Variants in LTBP1 observed in about 807,000 individuals in gnomAD.
LTBP1 encodes the protein latent-transforming growth factor beta-binding protein 1.
LTBP1 carries 129 observed loss-of-function variants against 207.6 expected under a neutral mutation model. The observed-to-expected ratio is 0.62, with a 90% CI of 0.54 to 0.72. The LOEUF (loss-of-function observed/expected upper bound fraction) is 0.72. LTBP1 is among the 30% of genes least tolerant of loss of function. The pLI is 0.00. For missense variants in LTBP1, 2,281 were observed against 2,217.2 expected, an observed-to-expected ratio of 1.03 and a Z score of -0.58; for synonymous variants, 963 against 833.7, an observed-to-expected ratio of 1.16 and a Z score of -2.67.
chr2:33,271,387 G>A (rs983511392), intron 15 of LTBP1, among the ~76,000 whole-genome samples: 15 of 151,782 alleles, frequency 9.9e-5, no homozygotes, highest in Non-Finnish European at 2.2e-4. Context: ...TAACCACCCG[G>A]GAAAAAACCC....
intron 32 of LTBP1, among the ~76,000 whole-genome samples, chr2:33,392,790 G>A (rs1365766671): frequency 6.6e-6 from 1 of 151,946 alleles, no homozygotes; most frequent in African/African-American, 2.4e-5. Context: ...AAATCATTTT[G>A]CTGTGATACA....
chr2:33,197,607 C>T (rs1301575657), intron 7 of LTBP1, among the ~76,000 whole-genome samples: 1 of 152,166 alleles, frequency 6.6e-6, no homozygotes, highest in East Asian at 1.9e-4. Context: ...ATCTCTTTAA[C>T]AGTGACCTAA....
rs573677325 is a variant in LTBP1 at position 32,999,771 on chromosome 2, C to T, written c.566-21138C>T. Among the ~76,000 whole-genome samples, 3 of 133,004 alleles carry T rather than the reference C, an allele frequency of 2.3e-5. 1 individual carries two copies. In the South Asian group the frequency reaches 8.1e-4, roughly 36 times the overall value. The allele number at this position is 133,004 out of a possible 152,430, so 87.3% of individuals were successfully genotyped here. A position where few individuals can be genotyped will look rare whatever the true frequency, so the allele number is the denominator to read the frequency against. On this transcript the variant is annotated intron_variant, in intron 2 of 33. Transcript: ENST00000404816. Reference sequence around the variant, plus strand: ...TGGGCATGGTGGCGCCAAGATCACACCACTGCACTCTAGCCTGGGCGACAG... The same window carrying T: ...TGGGCATGGTGGCGCCAAGATCACATCACTGCACTCTAGCCTGGGCGACAG...
At chr2:33,260,863 T>C (rs111654631) in intron 13 of LTBP1, among the ~76,000 whole-genome samples, 2,076 of 152,334 alleles carry the variant, frequency 0.014, 28 homozygotes, top group Non-Finnish European at 0.023. Context: ...GTCTTTATGA[T>C]TGAATTTAAT....
chr2:33,048,980 G>C (rs2076587651), intron 3 of LTBP1, among the ~76,000 whole-genome samples: 1 of 152,156 alleles, frequency 6.6e-6, no homozygotes, highest in Admixed American at 6.5e-5. Flanking sequence ...TTGCCCTGCA[G>C]ATAATTTAAA....
At chr2:33,099,272 A>G (rs1299461880) in intron 3 of LTBP1, among the ~76,000 whole-genome samples, 3 of 152,038 alleles carry the variant, frequency 2.0e-5, no homozygotes, top group Admixed American at 6.6e-5. Flanking sequence ...ATTGTAATAG[A>G]AAAAAAACAA....
At chr2:33,024,392 A>C (rs531045467) in intron 3 of LTBP1, among the ~76,000 whole-genome samples, 20 of 152,328 alleles carry the variant, frequency 1.3e-4, no homozygotes, top group African/African-American at 3.8e-4. Context: ...AAGGCCTGCG[A>C]TAAGTGCATG....
Position 33,341,323 on chromosome 2 carries a change from G to A in LTBP1, c.3731-1515G>A, listed in dbSNP as rs566992523. Among the ~76,000 whole-genome samples the A allele has an allele frequency of 9.9e-5, 15 of 152,260 alleles. No individual in the cohort carries two copies. In the East Asian group the frequency reaches 2.7e-3, roughly 27 times the overall value. ...GATGAGCAGGTGGGACCTTGAGGCA[G>A]AGACTGGTCAGGGCGGGAGAAGGAG... is the stretch of plus-strand genomic sequence containing the variant. On this transcript the variant is annotated intron_variant, in intron 24 of 33. Coordinates refer to ENST00000404816, the MANE Select transcript of LTBP1 (RefSeq NM_206943.4).
chr2:33,034,449 T>C (rs1408888535), intron 3 of LTBP1, among the ~76,000 whole-genome samples: 2 of 152,154 alleles, frequency 1.3e-5, no homozygotes, highest in African/African-American at 2.4e-5. Context: ...CAACTATTTA[T>C]AAACTAGCTG....
chr2:33,145,545 C>G (rs1437066936), intron 5 of LTBP1, among the ~76,000 whole-genome samples: 2 of 152,128 alleles, frequency 1.3e-5, no homozygotes, highest in Non-Finnish European at 2.9e-5. Flanking sequence ...TCTTATTTAG[C>G]AAGATTAGAA....
At chr2:33,127,151 C>T (rs2081480122) in intron 4 of LTBP1, among the ~76,000 whole-genome samples, 1 of 152,186 alleles carries the variant, frequency 6.6e-6, no homozygotes, top group South Asian at 2.1e-4. Flanking sequence ...CTACTTCTGG[C>T]CTGGCAGCTC....
chr2:33,313,371 G>T (rs1365359021), intron 23 of LTBP1, among the ~76,000 whole-genome samples: 1 of 152,170 alleles, frequency 6.6e-6, no homozygotes, highest in African/African-American at 2.4e-5. Flanking sequence ...AATTTCTGTT[G>T]CACGGGAAGA....
rs1232534525 is a variant in LTBP1 at position 32,947,298 on chromosome 2, G to T, written c.-27G>T. ...CGGGGGAGGGGGCCGGACCGCGCGCGACCGGTCGCGCCCGCTGGGGCCCGC... is the reference window on the plus strand; with the variant it reads ...CGGGGGAGGGGGCCGGACCGCGCGCTACCGGTCGCGCCCGCTGGGGCCCGC... On this transcript the variant is annotated 5_prime_UTR_variant, in exon 1 of 34. Transcript: ENST00000404816. 7 of 1,216,492 alleles carry T rather than the reference G, an allele frequency of 5.8e-6. No homozygotes were observed. The South Asian group carries it at 2.3e-4, about 39-fold the overall frequency. The allele number at this position is 1,216,492 out of a possible 1,614,324, so 75.4% of individuals were successfully genotyped here.
chr2:33,047,773 A>G (rs1228628155), intron 3 of LTBP1, among the ~76,000 whole-genome samples: 1 of 152,132 alleles, frequency 6.6e-6, no homozygotes, highest in Non-Finnish European at 1.5e-5. Flanking sequence ...GTCTCTAAGA[A>G]CTTGCTTTAT....
intron 24 of LTBP1, among the ~76,000 whole-genome samples, chr2:33,322,992 G>T (rs979241106): frequency 2.0e-5 from 3 of 152,102 alleles, no homozygotes; most frequent in African/African-American, 7.2e-5. Flanking sequence ...GTGAGATCGG[G>T]ATTGTTTTCT....
At chr2:33,280,249 C>A (rs1469566112) in intron 19 of LTBP1, 91 bp downstream of exon 19, 4 of 1,273,260 alleles carry the variant, frequency 3.1e-6, no homozygotes, top group South Asian at 2.2e-5. Context: ...AGCCCTCTTT[C>A]AAAATGAAAA....
chr2:33,258,140 G>A (rs2092912858), intron 12 of LTBP1, among the ~76,000 whole-genome samples: 1 of 152,186 alleles, frequency 6.6e-6, no homozygotes, highest in African/African-American at 2.4e-5. Flanking sequence ...TTGAGAGGGA[G>A]TCTAGAGACA....
At chr2:33,246,403 AAATGAAAAGAT>A in intron 10 of LTBP1, among the ~76,000 whole-genome samples, 1 of 152,188 alleles carries the variant, frequency 6.6e-6, no homozygotes, top group Non-Finnish European at 1.5e-5. Flanking sequence ...TAAAGGAAAT[AAATGAAAAGAT>A]AATGGTATTT....
rs559887210 is a variant in LTBP1 at position 33,198,597 on chromosome 2, A to G, written c.1701+9746A>G. ...CAGATCCTGTTATTGGTCTATTCAGAGATTCAACTTCTTCCTGGTTTAGTC... is the reference window on the plus strand; with the variant it reads ...CAGATCCTGTTATTGGTCTATTCAGGGATTCAACTTCTTCCTGGTTTAGTC... On this transcript the variant is annotated intron_variant, in intron 7 of 33. Transcript: ENST00000404816. Among the ~76,000 whole-genome samples, 4 of 152,264 alleles carry G rather than the reference A, an allele frequency of 2.6e-5. No individual in the cohort carries two copies. In the South Asian group the frequency reaches 8.3e-4, roughly 32 times the overall value.
Sources: gnomAD v4.1 joint callset for allele counts (sites outside exome capture counted in the v4.1 genomes callset) on GRCh38, gnomAD v4.1.1 for gene constraint, MANE v1.5 for transcripts, NCBI Gene and HGNC (gene_info 2026-07-23, HGNC 2026-07-21) for gene names.